The following ZNF655 variants were observed in gnomAD, a reference collection of about 807,000 sequenced individuals.
The protein encoded by ZNF655 is zinc finger protein 655.
In ZNF655, 3 loss-of-function variants were observed where a neutral mutation model predicts 6.6. That is an observed-to-expected ratio of 0.46 (90% confidence interval 0.21 to 1.18). ZNF655 has a LOEUF of 1.18. Among genes scored for constraint, ZNF655 ranks in the 50% most tolerant of loss-of-function variants. ZNF655 has a pLI of 0.24. For missense variants in ZNF655, 526 were observed against 572.3 expected (o/e 0.92, Z 0.83); for synonymous variants, 178 against 195.0 (o/e 0.91, Z 0.73).
At chr7:99,568,066 CAAAAA>C (rs769076500) in intron 2 of ZNF655, among the ~76,000 whole-genome samples, 1 of 56,050 alleles carries the variant, frequency 1.8e-5, no homozygotes, top group Non-Finnish European at 3.8e-5. Context: ...ACCCCCCGGC[CAAAAA>C]AAAAAAAAAA....
Position 99,572,569 on chromosome 7 carries a change from A to G in ZNF655, c.461A>G (p.Gln154Arg), listed in dbSNP as rs1291226456. Reference protein sequence around the residue: ...IDADQRVLRIQNTDDNDKYDM... With the variant: ...IDADQRVLRIRNTDDNDKYDM... ...GCAGATCAGAGAGTTCTTAGAATAC[A>G]GAATACCGATGACAATGATAAGTAT... is the stretch of plus-strand genomic sequence containing the variant. Residue 154 changes from glutamine to arginine, a missense_variant, in exon 3 of 3, where the codon CAG (glutamine) becomes CGG (arginine). By Grantham distance (43) the Gln-to-Arg change is conservative. Coordinates refer to ENST00000252713, the MANE Select transcript of ZNF655 (RefSeq NM_138494.3). The G allele has an allele frequency of 1.9e-6, 3 of 1,613,950 alleles. No homozygotes were observed. Among genetic ancestry groups the G allele is most frequent in the African/African-American group, 2.7e-5 (2 of 75,066 alleles).
chr7:99,564,586 T>C (rs1467279490), intron 2 of ZNF655: 1 of 985,410 alleles, frequency 1.0e-6, no homozygotes, highest in East Asian at 1.1e-4. Context: ...GAAGTTAAAT[T>C]TATTTCAGGG....
intron 2 of ZNF655, chr7:99,562,169 G>C: frequency 2.5e-6 from 2 of 789,384 alleles, no homozygotes; most frequent in Non-Finnish European, 3.8e-6. Context: ...AGCAAACTCT[G>C]TTTTCTCTTT....
intron 2 of ZNF655, chr7:99,561,767 T>G: frequency 2.2e-6 from 1 of 462,478 alleles, no homozygotes; most frequent in Non-Finnish European, 3.7e-6. Context: ...AAAATGTTCA[T>G]TGGTTTTACT....
Position 99,560,684 on chromosome 7 carries a change from G to C in ZNF655, c.125G>C (p.Gly42Ala). 1 of 1,613,930 alleles carries C rather than the reference G, an allele frequency of 6.2e-7. No individual in the cohort carries two copies. Among genetic ancestry groups the C allele is most frequent in the South Asian group, 1.1e-5 (1 of 91,040 alleles). ...QFVQDTDMEQ[G>A]LTGDGETREE... ...GTGCAGGACACCGACATGGAACAGG[G>C]ACTCACTGGGGGTAAGGCAGAGAAA... The change falls in exon 2 of 3, where the codon GGA (glycine) becomes GCA (alanine). Residue 42 changes from glycine to alanine, a missense_variant. Gly to Ala is a moderately conservative substitution (Grantham distance 60). Coordinates refer to ENST00000252713, the MANE Select transcript of ZNF655 (RefSeq NM_138494.3).
intron 2 of ZNF655, chr7:99,571,374 C>G: frequency 8.0e-7 from 1 of 1,247,046 alleles, no homozygotes; most frequent in Non-Finnish European, 1.0e-6. Flanking sequence ...GAAGATTAAT[C>G]TTTAGGTAAC....
intron 2 of ZNF655, chr7:99,564,258 A>G: frequency 7.5e-7 from 1 of 1,340,272 alleles, no homozygotes; most frequent in South Asian, 2.1e-5. Context: ...GTGAAAAACC[A>G]GAAATTCCAA....
intron 2 of ZNF655, chr7:99,564,142 T>G: frequency 6.7e-7 from 1 of 1,493,702 alleles, no homozygotes. Context: ...TTACCTCTGT[T>G]TAATTTCAAA....
intron 2 of ZNF655, chr7:99,562,184 A>G (rs771352215): frequency 6.1e-6 from 5 of 820,272 alleles, no homozygotes; most frequent in Admixed American, 3.2e-5. Context: ...CTCTTTGTCC[A>G]TGGTTGTGTG....
At chr7:99,568,063 G>A (rs1414174347) in intron 2 of ZNF655, among the ~76,000 whole-genome samples, 14 of 142,670 alleles carry the variant, frequency 9.8e-5, no homozygotes, top group African/African-American at 3.7e-4. Flanking sequence ...CATACCCCCC[G>A]GCCAAAAAAA....
intron 2 of ZNF655, chr7:99,560,964 GT>G: frequency 3.3e-6 from 1 of 298,582 alleles, no homozygotes; most frequent in Non-Finnish European, 6.2e-6. Flanking sequence ...CTTCATCCCA[GT>G]TCTCACATCC....
At chr7:99,571,071 G>A (rs1011299350) in intron 2 of ZNF655, 11 of 346,654 alleles carry the variant, frequency 3.2e-5, no homozygotes, top group South Asian at 7.6e-5. Flanking sequence ...GACCTTCTTG[G>A]CCTCTTATCC....
At chr7:99,564,765 G>C in intron 2 of ZNF655, 33 of 926,212 alleles carry the variant, frequency 3.6e-5, no homozygotes, top group South Asian at 5.0e-5. Context: ...TAATAGCATA[G>C]TATGCTATAG....
In ZNF655 at chr7:99,573,394, T is replaced by G. The variant is rs1448415952; in HGVS notation, c.1286T>G (p.Met429Arg). 1 of 1,614,118 alleles carries G rather than the reference T, an allele frequency of 6.2e-7. No individual in the cohort carries two copies. Among genetic ancestry groups the G allele is most frequent in the Non-Finnish European group, 8.5e-7 (1 of 1,180,002 alleles). ...QTSCLIQHHKMHRKEKSYECN... is the reference protein window; with the variant it reads ...QTSCLIQHHKRHRKEKSYECN... ...TCATGCCTTATTCAGCATCACAAAATGCATAGGAAAGAGAAATCGTATGAA... is the reference window on the plus strand; with the variant it reads ...TCATGCCTTATTCAGCATCACAAAAGGCATAGGAAAGAGAAATCGTATGAA... The change falls in exon 3 of 3, where the codon ATG (methionine) becomes AGG (arginine). Residue 429 changes from methionine (M) to arginine (R), a missense_variant. By Grantham distance (91) the Met-to-Arg change is moderately conservative. Transcript: ENST00000252713.
Position 99,573,663 on chromosome 7 carries a change from G to T in ZNF655, c.*79G>T. On this transcript the variant is annotated 3_prime_UTR_variant, in exon 3 of 3. Transcript: ENST00000252713. ...AGAGTTCACACCAGGGAGAAATCATGTATGTACTGCATGTGGTAAAGCCTT... is the reference window on the plus strand; with the variant it reads ...AGAGTTCACACCAGGGAGAAATCATTTATGTACTGCATGTGGTAAAGCCTT... The T allele has an allele frequency of 6.7e-7, 1 of 1,492,370 alleles. No individual in the cohort carries two copies. The highest frequency in any genetic ancestry group is 9.0e-7 in the Non-Finnish European group (1 of 1,112,316). 92.4% of individuals were successfully genotyped at this position (1,492,370 alleles called of 1,614,324 possible). A position where few individuals can be genotyped will look rare whatever the true frequency, so the allele number is the denominator to read the frequency against.
chr7:99,569,892 T>A (rs1429038876), intron 2 of ZNF655, among the ~76,000 whole-genome samples: 1 of 152,238 alleles, frequency 6.6e-6, no homozygotes, highest in South Asian at 2.1e-4. Flanking sequence ...TCTGAGATTT[T>A]AGTGCACCTG....
At chr7:99,562,568 C>T (rs898854260) in intron 2 of ZNF655, 5 of 1,506,404 alleles carry the variant, frequency 3.3e-6, no homozygotes, top group Non-Finnish European at 4.5e-6. Context: ...AGTATAAGGT[C>T]TCTGAGAAGG....
At chr7:99,559,730 C>T (rs922038808) in intron 1 of ZNF655, among the ~76,000 whole-genome samples, 1 of 151,544 alleles carries the variant, frequency 6.6e-6, no homozygotes, top group Non-Finnish European at 1.5e-5. Context: ...CAAGCTCAAG[C>T]GATTCTCCTG....
rs574873672 is a variant in ZNF655, at chr7:99,574,821, C to T, written c.*1237C>T. On this transcript the variant is annotated 3_prime_UTR_variant, in exon 3 of 3. Transcript: ENST00000252713. ...CTTGGATTCCTGTTGATTAACTTCT[C>T]CATTCTCTTAAGCACCTTTAGAAGA... The T allele has an allele frequency of 1.3e-5, 2 of 152,184 alleles. No individual in the cohort carries two copies. The highest frequency in any genetic ancestry group is 4.8e-5 in the African/African-American group (2 of 41,442). The allele number at this position is 152,184 out of a possible 1,614,324, so 9.4% of individuals were successfully genotyped here. A position where few individuals can be genotyped will look rare whatever the true frequency, so the allele number is the denominator to read the frequency against.
Sources: allele counts gnomAD v4.1 joint callset (sites outside exome capture counted in the v4.1 genomes callset), GRCh38; gene constraint gnomAD v4.1.1; transcripts MANE v1.5; gene names NCBI Gene and HGNC (gene_info 2026-07-23, HGNC 2026-07-21).